PARM1: variants seen among roughly 807,000 people sequenced by gnomAD.
The protein encoded by PARM1 is WSC4, cell wall integrity and stress response component 4 homolog.
In PARM1, 14 loss-of-function variants were observed where a neutral mutation model predicts 24.6. The ratio of observed to expected loss-of-function variants is 0.57; its 90% CI spans 0.38 to 0.89. The LOEUF is 0.89. Ranked by LOEUF, PARM1 falls within the 40% of genes least tolerant of loss-of-function variation. PARM1 has a pLI of 0.00. For missense variants in PARM1, 362 were observed against 380.4 expected (o/e 0.95, Z 0.40); for synonymous variants, 179 against 156.6 (o/e 1.14, Z -1.07).
chr4:75,043,529 G>A (rs1046937015), intron 3 of PARM1, among the ~76,000 whole-genome samples: 1 of 152,132 alleles, frequency 6.6e-6, no homozygotes, highest in African/African-American at 2.4e-5. Context: ...ATATGATAGA[G>A]ATAAAAATTC....
Position 75,020,500 on chromosome 4 carries a change from C to A in PARM1, c.769+7350C>A, listed in dbSNP as rs114087402. Among the ~76,000 whole-genome samples the A allele has an allele frequency of 9.5e-3, 1,431 of 150,478 alleles. 20 individuals carry two copies. Among genetic ancestry groups the A allele is most frequent in the African/African-American group, 0.032 (1,284 of 39,900 alleles). ...CTCAACTGCCCCTCATTTCCCCCCC[C>A]CCGCACCCATCTCCCTACTCCCTGT... On this transcript the variant is annotated intron_variant, in intron 2 of 3. Coordinates refer to ENST00000307428, the MANE Select transcript of PARM1 (RefSeq NM_015393.4).
At chr4:74,977,479 C>A (rs1256289972) in intron 1 of PARM1, among the ~76,000 whole-genome samples, 1 of 151,946 alleles carries the variant, frequency 6.6e-6, no homozygotes, top group Non-Finnish European at 1.5e-5. Flanking sequence ...AAAGGCTGAA[C>A]CTACAACTAA....
At chr4:74,943,969 G>A (rs1180421514) in intron 1 of PARM1, among the ~76,000 whole-genome samples, 1 of 152,188 alleles carries the variant, frequency 6.6e-6, no homozygotes, top group Non-Finnish European at 1.5e-5. Flanking sequence ...TATGAATTGT[G>A]TTTTATACTA....
rs1258534289 is a variant in PARM1 at position 75,033,884 on chromosome 4, C to A, written c.771C>A (p.Gly257=). 1.3e-6 allele frequency: 2 copies of A among 1,595,264 alleles called. No individual in the cohort carries two copies. The highest frequency in any genetic ancestry group is 1.3e-5 in the African/African-American group (1 of 74,586). ...TTCTGTGCCCTTCCTCCTTCACAGG[C>A]AGCATCGCCGCCATTACCGTGACAG... The part of the protein sequence containing the change: ...MQEVEHALSS[G]SIAAITVTVI... The change falls in exon 3 of 4, where the codon GGC becomes GGA. Residue 257 remains glycine (G), a splice_region_variant and synonymous_variant. Transcript: ENST00000307428.
intron 1 of PARM1, among the ~76,000 whole-genome samples, chr4:74,992,718 C>T (rs1024270348): frequency 6.6e-6 from 1 of 152,078 alleles, no homozygotes; most frequent in Non-Finnish European, 1.5e-5. Flanking sequence ...TGAAAGAAAA[C>T]AAACATTCAA....
intron 1 of PARM1, among the ~76,000 whole-genome samples, chr4:74,964,577 A>ACACACACACACACACACACACACACT (rs377411929): frequency 1.3e-5 from 2 of 151,926 alleles, no homozygotes; most frequent in African/African-American, 4.8e-5. Context: ...ACACACACAC[A>ACACACACACACACACACACACACACT]CATTGCATCC....
In PARM1 at chr4:75,012,835, CA is replaced by C. The variant is rs1722904259; in HGVS notation, c.456del (p.Ala153LeufsTer29). On this transcript the variant is annotated frameshift_variant, in exon 2 of 4. Coordinates refer to ENST00000307428, the MANE Select transcript of PARM1 (RefSeq NM_015393.4). LOFTEE classifies it high-confidence loss of function. ...AAEPPTLISP[Q>X]APASSPSSLS... ...TGAGCCTCCCACACTCATCTCCCCTCAAGCTCCAGCCTCATCACCCTCATCC... is the reference window on the plus strand; with the variant it reads ...TGAGCCTCCCACACTCATCTCCCCTCAGCTCCAGCCTCATCACCCTCATCC... 14 of 1,613,896 alleles carry C rather than the reference CA, an allele frequency of 8.7e-6. No homozygotes were observed. The highest frequency in any genetic ancestry group is 1.2e-5 in the Non-Finnish European group (14 of 1,179,902).
At chr4:75,041,461 G>T (rs890001412) in intron 3 of PARM1, among the ~76,000 whole-genome samples, 1 of 152,184 alleles carries the variant, frequency 6.6e-6, no homozygotes, top group African/African-American at 2.4e-5. Context: ...AGACTTGCTT[G>T]ACTAAAGAGG....
intron 1 of PARM1, among the ~76,000 whole-genome samples, chr4:74,989,054 C>A (rs973364911): frequency 6.6e-6 from 1 of 152,150 alleles, no homozygotes; most frequent in Non-Finnish European, 1.5e-5. Context: ...GAGGAAAAAA[C>A]CAAAGTATTT....
intron 2 of PARM1, among the ~76,000 whole-genome samples, chr4:75,024,601 C>CCA (rs1723148917): frequency 6.6e-6 from 1 of 152,312 alleles, no homozygotes; most frequent in East Asian, 1.9e-4. Flanking sequence ...TTGGTGAACC[C>CCA]CACAAGGATC....
In PARM1 at chr4:75,033,969, G is replaced by C; in HGVS notation, c.848+8G>C. 6.3e-7 allele frequency: 1 copy of C among 1,586,828 alleles called. No individual in the cohort carries two copies. Among genetic ancestry groups the C allele is most frequent in the Admixed American group, 1.8e-5 (1 of 56,518 alleles). ...AGCCTACCTAAAAATCAGGTGAGAC[G>C]CAGCTTACTCTTAAAAAAAAGGGAT... On this transcript the variant is annotated splice_region_variant and intron_variant, in intron 3 of 3. Coordinates refer to ENST00000307428, the MANE Select transcript of PARM1 (RefSeq NM_015393.4).
chr4:75,039,202 T>C (rs529261730), intron 3 of PARM1, among the ~76,000 whole-genome samples: 67 of 152,278 alleles, frequency 4.4e-4, no homozygotes, highest in African/African-American at 1.6e-3. Flanking sequence ...TCTTAAACTT[T>C]AATGTGCATA....
At chr4:75,007,854 G>C (rs995362724) in intron 1 of PARM1, among the ~76,000 whole-genome samples, 3 of 152,194 alleles carry the variant, frequency 2.0e-5, no homozygotes, top group African/African-American at 7.2e-5. Context: ...CATGCCATGT[G>C]AGGAAAGGTC....
intron 2 of PARM1, among the ~76,000 whole-genome samples, chr4:75,030,361 GAATT>G (rs1394349121): frequency 1.3e-5 from 2 of 152,176 alleles, no homozygotes; most frequent in African/African-American, 4.8e-5. Flanking sequence ...CTTGTAAAGA[GAATT>G]AAATAAGATG....
At chr4:75,028,598 T>C (rs1249260932) in intron 2 of PARM1, among the ~76,000 whole-genome samples, 1 of 152,168 alleles carries the variant, frequency 6.6e-6, no homozygotes, top group African/African-American at 2.4e-5. Context: ...CTCAGGAACT[T>C]GGTCAAGTAT....
intron 1 of PARM1, among the ~76,000 whole-genome samples, chr4:74,978,419 A>G (rs1722178846): frequency 6.6e-6 from 1 of 152,208 alleles, no homozygotes; most frequent in African/African-American, 2.4e-5. Flanking sequence ...TAACTATCCT[A>G]AATATATTTG....
chr4:75,012,548 C>A lies in PARM1; in HGVS notation c.167C>A (p.Pro56Gln). 1 of 1,613,922 alleles carries A rather than the reference C, an allele frequency of 6.2e-7. No homozygotes were observed. Among genetic ancestry groups the A allele is most frequent in the Non-Finnish European group, 8.5e-7 (1 of 1,179,882 alleles). Residue 56 changes from proline to glutamine, a missense_variant, in exon 2 of 4, where the codon CCA becomes CAA. Coordinates refer to ENST00000307428, the MANE Select transcript of PARM1 (RefSeq NM_015393.4). ...AACACTGATGCAGACACTGCCTCCCCATCCAACGGCACTCACAACAACTCG... is the reference window on the plus strand; with the variant it reads ...AACACTGATGCAGACACTGCCTCCCAATCCAACGGCACTCACAACAACTCG... ...PQNTDADTAS[P>Q]SNGTHNNSVL...
At chr4:74,976,173 C>T (rs977999379) in intron 1 of PARM1, among the ~76,000 whole-genome samples, 4 of 152,116 alleles carry the variant, frequency 2.6e-5, no homozygotes, top group East Asian at 1.9e-4. Context: ...TTGTAGCCAG[C>T]GGCAGCAGTC....
In PARM1 at chr4:75,016,512, G is replaced by T. The variant is rs72860992; in HGVS notation, c.769+3362G>T. ...GGGTACAACTGATCCCATCACCCAG[G>T]TAGTGATCACAGTACCCAATAGGTA... On this transcript the variant is annotated intron_variant, in intron 2 of 3. Coordinates refer to ENST00000307428, the MANE Select transcript of PARM1 (RefSeq NM_015393.4). Among the ~76,000 whole-genome samples the T allele has an allele frequency of 3.9e-3, 600 of 152,168 alleles. 1 individual carries two copies. Among genetic ancestry groups the T allele is most frequent in the African/African-American group, 0.013 (559 of 41,496 alleles).
Sources: gnomAD v4.1 joint callset for allele counts (sites outside exome capture counted in the v4.1 genomes callset) on GRCh38, gnomAD v4.1.1 for gene constraint, MANE v1.5 for transcripts, NCBI Gene and HGNC (gene_info 2026-07-23, HGNC 2026-07-21) for gene names.